HTR1E: variants seen among roughly 807,000 people sequenced by gnomAD.
HTR1E encodes the protein 5-hydroxytryptamine receptor 1E.
HTR1E carries 3 observed loss-of-function variants against 3.4 expected under a neutral mutation model. The ratio of observed to expected loss-of-function variants is 0.89; its 90% confidence interval spans 0.41 to 2.31. HTR1E has a LOEUF of 2.31. Ranked by LOEUF, HTR1E falls within the 30% of genes most tolerant of loss-of-function variation. HTR1E has a pLI of 0.05. For missense variants in HTR1E, 392 were observed against 467.0 expected, an observed-to-expected ratio of 0.84 and a Z score of 1.48; for synonymous variants, 170 against 182.8, an observed-to-expected ratio of 0.93 and a Z score of 0.56.
intron 1 of HTR1E, among the ~76,000 whole-genome samples, chr6:86,953,653 A>G (rs556779283): frequency 2.0e-5 from 3 of 152,314 alleles, no homozygotes; most frequent in South Asian, 2.1e-4. Context: ...GTCACATTCT[A>G]TTAGTCAAAA....
Position 86,961,312 on chromosome 6 carries a change from T to C in HTR1E, c.-186+23489T>C, listed in dbSNP as rs939946256. Among the ~76,000 whole-genome samples, 25 of 152,190 alleles carry C rather than the reference T, an allele frequency of 1.6e-4. 1 individual carries two copies. Among genetic ancestry groups the C allele is most frequent in the Admixed American group, 6.5e-5 (1 of 15,280 alleles). ...GCTTACCTACTGAATGTGGATCCCA[T>C]ATTAAACAAAAGAAAATATATGTTC... On this transcript the variant is annotated intron_variant, in intron 1 of 1. Transcript: ENST00000305344.
intron 1 of HTR1E, among the ~76,000 whole-genome samples, chr6:86,954,118 T>C (rs1317804168): frequency 6.6e-6 from 1 of 152,150 alleles, no homozygotes; most frequent in Non-Finnish European, 1.5e-5. Flanking sequence ...GGAGCTGTAG[T>C]AGGGACATTT....
At chr6:87,010,198 A>C (rs1582285202) in intron 1 of HTR1E, among the ~76,000 whole-genome samples, 5 of 60,988 alleles carry the variant, frequency 8.2e-5, no homozygotes, top group Admixed American at 1.8e-4. Flanking sequence ...CGACCCCCCC[A>C]CCTCCCTCCC....
intron 1 of HTR1E, among the ~76,000 whole-genome samples, chr6:86,954,324 ATTACTTTATTCAAC>A (rs1582258597): frequency 6.7e-6 from 1 of 150,368 alleles, no homozygotes; most frequent in East Asian, 1.9e-4. Flanking sequence ...ACTTTATTCA[ATTACTTTATTCAAC>A]TTACTTTATT....
At chr6:86,955,200 C>G (rs1767303615) in intron 1 of HTR1E, among the ~76,000 whole-genome samples, 1 of 152,224 alleles carries the variant, frequency 6.6e-6, no homozygotes, top group Non-Finnish European at 1.5e-5. Flanking sequence ...ATTATCTTCC[C>G]ATTTGCACTT....
In HTR1E at chr6:87,015,766, T is replaced by A. The variant is rs374460503; in HGVS notation, c.432T>A (p.Leu144=). 6.2e-7 allele frequency: 1 copy of A among 1,610,284 alleles called. No homozygotes were observed. The highest frequency in any genetic ancestry group is 1.3e-5 in the African/African-American group (1 of 74,858). Residue 144 remains leucine (L), a synonymous_variant, in exon 2 of 2, where the codon CTT becomes CTA. Coordinates refer to ENST00000305344, the MANE Select transcript of HTR1E (RefSeq NM_000865.3). ...CCAAGAGGGCCGCGCTGATGATCCT[T>A]ACCGTCTGGACCATCTCCATTTTCA... The part of the protein sequence containing the change: ...RTAKRAALMI[L]TVWTISIFIS...
At chr6:86,973,296 G>A (rs1767585915) in intron 1 of HTR1E, among the ~76,000 whole-genome samples, 1 of 67,660 alleles carries the variant, frequency 1.5e-5, no homozygotes, top group East Asian at 4.4e-4. Context: ...CAAAGGCAGT[G>A]GCTGTGTGTG....
intron 1 of HTR1E, among the ~76,000 whole-genome samples, chr6:87,014,292 T>G (rs1332110352): frequency 7.0e-6 from 1 of 143,334 alleles, no homozygotes; most frequent in Non-Finnish European, 1.5e-5. Context: ...ATAATAATAA[T>G]AAGGCAGGAA....
chr6:87,009,516 C>T lies in HTR1E; in HGVS notation c.-185-5634C>T, dbSNP rs1436203515. Among the ~76,000 whole-genome samples the T allele has an allele frequency of 3.3e-5, 5 of 150,472 alleles. 1 individual carries two copies. The South Asian group carries it at 8.4e-4, about 25-fold the overall frequency. ...TTCTCAATCTTTTCCCCACCTTTCC[C>T]GCCTTTCTATTCCACAAAGCCGCCA... On this transcript the variant is annotated intron_variant, in intron 1 of 1. Coordinates refer to ENST00000305344, the MANE Select transcript of HTR1E (RefSeq NM_000865.3).
At chr6:86,986,314 T>C (rs1365258710) in intron 1 of HTR1E, among the ~76,000 whole-genome samples, 4 of 152,214 alleles carry the variant, frequency 2.6e-5, no homozygotes, top group Middle Eastern at 6.8e-3. Flanking sequence ...TAAAGTATTA[T>C]ATAGGGTCAC....
intron 1 of HTR1E, among the ~76,000 whole-genome samples, chr6:86,999,791 G>T (rs1048016841): frequency 6.6e-6 from 1 of 152,102 alleles, no homozygotes; most frequent in Non-Finnish European, 1.5e-5. Flanking sequence ...CTCAGTGTGA[G>T]AGCATCTCCC....
Position 87,002,959 on chromosome 6 carries a change from C to G in HTR1E, c.-185-12191C>G, listed in dbSNP as rs557500253. On this transcript the variant is annotated intron_variant, in intron 1 of 1. Transcript: ENST00000305344. ...AAAGAAACATCAGATTTAATCTGCA[C>G]TATAGACCAAATGGACCTAATAGAT... is the stretch of plus-strand genomic sequence containing the variant. Among the ~76,000 whole-genome samples, 13 of 152,316 alleles carry G rather than the reference C, an allele frequency of 8.5e-5. No individual in the cohort carries two copies. The South Asian group carries it at 2.7e-3, about 32-fold the overall frequency.
chr6:86,961,001 T>C (rs894490523), intron 1 of HTR1E, among the ~76,000 whole-genome samples: 9 of 152,266 alleles, frequency 5.9e-5, no homozygotes, highest in Non-Finnish European at 1.3e-4. Flanking sequence ...ATATACTGTA[T>C]GTTTATCTAA....
chr6:86,964,916 G>T (rs1313402962), intron 1 of HTR1E, among the ~76,000 whole-genome samples: 1 of 152,048 alleles, frequency 6.6e-6, no homozygotes, highest in Non-Finnish European at 1.5e-5. Context: ...GAAAGAAAAA[G>T]GAACATATTT....
chr6:86,956,060 C>G (rs571648750), intron 1 of HTR1E, among the ~76,000 whole-genome samples: 18 of 152,172 alleles, frequency 1.2e-4, no homozygotes, highest in African/African-American at 4.3e-4. Flanking sequence ...ACAGAGATCT[C>G]AAGACTGACC....
intron 1 of HTR1E, among the ~76,000 whole-genome samples, chr6:86,968,430 A>G (rs1015045471): frequency 6.6e-6 from 1 of 152,208 alleles, no homozygotes; most frequent in African/African-American, 2.4e-5. Flanking sequence ...AATTCCTAGC[A>G]GCAATGTATG....
At chr6:87,003,074 C>T (rs1582280975) in intron 1 of HTR1E, among the ~76,000 whole-genome samples, 2 of 152,082 alleles carry the variant, frequency 1.3e-5, no homozygotes, top group Non-Finnish European at 1.5e-5. Flanking sequence ...ATATGTTAGA[C>T]AACAAAAAAG....
Position 87,016,277 on chromosome 6 carries a change from G to A in HTR1E, c.943G>A (p.Gly315Ser). ...LPFFIKELIV[G>S]LSIYTVSSEV... ...ATTTTTCATCAAAGAGTTGATTGTG[G>A]GTCTGAGCATCTACACCGTGTCCTC... The change falls in exon 2 of 2, where the codon GGT (glycine) becomes AGT (serine). Residue 315 changes from glycine to serine, a missense_variant. By Grantham distance (56) the Gly-to-Ser change is moderately conservative (BLOSUM62 0). Coordinates refer to ENST00000305344, the MANE Select transcript of HTR1E (RefSeq NM_000865.3). The A allele has an allele frequency of 6.2e-7, 1 of 1,612,662 alleles. No homozygotes were observed. The highest frequency in any genetic ancestry group is 8.5e-7 in the Non-Finnish European group (1 of 1,179,470).
chr6:86,943,702 C>T (rs1307756119), intron 1 of HTR1E, among the ~76,000 whole-genome samples: 1 of 152,188 alleles, frequency 6.6e-6, no homozygotes, highest in African/African-American at 2.4e-5. Context: ...TCATTAACTG[C>T]TTTCACATCT....
Sources: gnomAD v4.1 joint callset for allele counts (sites outside exome capture counted in the v4.1 genomes callset) on GRCh38, gnomAD v4.1.1 for gene constraint, MANE v1.5 for transcripts, NCBI Gene and HGNC (gene_info 2026-07-23, HGNC 2026-07-21) for gene names.